The following SYN3 variants were observed in gnomAD, a reference collection of about 807,000 sequenced individuals.
SYN3 encodes the protein synapsin III, also known as synapsin-3.
Under a neutral mutation model 65.8 loss-of-function variants are expected in SYN3, and 35 were observed. That is an observed-to-expected ratio of 0.53 (90% CI 0.41 to 0.70). The LOEUF (loss-of-function observed/expected upper bound fraction) is 0.70, where lower values mean the gene tolerates loss of function less well. Ranked by LOEUF, SYN3 falls within the 30% of genes least tolerant of loss-of-function variation. The pLI is 0.00. For synonymous variants in SYN3, 270 were observed against 292.9 expected (o/e 0.92, Z 0.80); for missense variants, 680 against 749.0 (o/e 0.91, Z 1.08).
intron 6 of SYN3, among the ~76,000 whole-genome samples, chr22:32,631,634 G>A (rs574229115): frequency 5.9e-5 from 9 of 152,294 alleles, no homozygotes; most frequent in Non-Finnish European, 1.2e-4. Context: ...GGTTGCAGTA[G>A]TATAATAATT....
intron 6 of SYN3, among the ~76,000 whole-genome samples, chr22:32,833,188 T>G (rs1360143201): frequency 6.6e-6 from 1 of 152,050 alleles, no homozygotes; most frequent in Non-Finnish European, 1.5e-5. Flanking sequence ...AAATTTGCAT[T>G]TATCCCCTAA....
intron 6 of SYN3, among the ~76,000 whole-genome samples, chr22:32,701,683 A>G (rs1254839564): frequency 1.3e-5 from 2 of 152,232 alleles, no homozygotes; most frequent in Non-Finnish European, 2.9e-5. Context: ...TATATACTAT[A>G]GAAGACAACT....
At chr22:32,525,461 A>C (rs1410352376) in intron 12 of SYN3, among the ~76,000 whole-genome samples, 2 of 152,150 alleles carry the variant, frequency 1.3e-5, no homozygotes, top group Non-Finnish European at 2.9e-5. Context: ...TAATCCCAGC[A>C]CTTTGGGAGG....
intron 6 of SYN3, among the ~76,000 whole-genome samples, chr22:32,657,608 G>A (rs991029978): frequency 3.3e-5 from 5 of 152,204 alleles, no homozygotes; most frequent in Non-Finnish European, 5.9e-5. Context: ...GAGCAGAGTG[G>A]GGGTGGCATC....
intron 6 of SYN3, among the ~76,000 whole-genome samples, chr22:32,661,874 A>C (rs1355848357): frequency 6.6e-6 from 1 of 152,248 alleles, no homozygotes; most frequent in Non-Finnish European, 1.5e-5. Flanking sequence ...GTCCACAGCC[A>C]AGTTGCATCT....
intron 4 of SYN3, among the ~76,000 whole-genome samples, chr22:32,873,713 C>T (rs959152581): frequency 6.6e-6 from 1 of 152,148 alleles, no homozygotes; most frequent in African/African-American, 2.4e-5. Flanking sequence ...GCCAGCTACA[C>T]TGAAGTAATA....
chr22:32,861,391 C>CAGA (rs55686145), intron 6 of SYN3: 41,852 of 152,028 alleles, frequency 0.28, 5,965 homozygotes, highest in African/African-American at 0.34. Flanking sequence ...GCAGTGTGAG[C>CAGA]AGAAGCTGAT....
At chr22:32,879,322 G>C (rs5754324) in intron 4 of SYN3, among the ~76,000 whole-genome samples, 1 of 152,296 alleles carries the variant, frequency 6.6e-6, no homozygotes, top group East Asian at 1.9e-4. Flanking sequence ...CACATTTATA[G>C]ATCCTGGAGA....
intron 6 of SYN3, among the ~76,000 whole-genome samples, chr22:32,685,499 C>A (rs2060577945): frequency 6.6e-6 from 1 of 152,142 alleles, no homozygotes; most frequent in African/African-American, 2.4e-5. Context: ...TATCTTGTGG[C>A]CATATTTTTA....
chr22:32,745,867 G>A (rs1428396422), intron 6 of SYN3, among the ~76,000 whole-genome samples: 1 of 152,154 alleles, frequency 6.6e-6, no homozygotes, highest in Non-Finnish European at 1.5e-5. Flanking sequence ...TCAAAAGGCA[G>A]GAAAGAGAAG....
intron 6 of SYN3, among the ~76,000 whole-genome samples, chr22:32,598,010 A>G (rs187984285): frequency 6.6e-6 from 1 of 152,240 alleles, no homozygotes; most frequent in East Asian, 1.9e-4. Flanking sequence ...CTTGATTTCT[A>G]GAAGAACATT....
At chr22:32,527,202 A>G (rs551967314) in intron 12 of SYN3, among the ~76,000 whole-genome samples, 189 of 152,282 alleles carry the variant, frequency 1.2e-3, no homozygotes, top group African/African-American at 4.5e-3. Context: ...TCACAAATCT[A>G]TCATCAGGCA....
chr22:32,750,628 T>C (rs1364190922), intron 6 of SYN3, among the ~76,000 whole-genome samples: 1 of 151,956 alleles, frequency 6.6e-6, no homozygotes, highest in East Asian at 1.9e-4. Flanking sequence ...GTCATCCTGC[T>C]CTGCTGAGAA....
At chr22:32,778,907 A>G (rs1399733028) in intron 6 of SYN3, among the ~76,000 whole-genome samples, 1 of 152,222 alleles carries the variant, frequency 6.6e-6, no homozygotes, top group African/African-American at 2.4e-5. Context: ...TGTATTGGGT[A>G]CTTCTCATTT....
In SYN3 at chr22:32,697,020, A is replaced by G. The variant is rs528065642; in HGVS notation, c.712-100284T>C. ...AAGAAAAATCTCTCTCTGTCCACAGAACCATAACTCACTGGTAAGGTAGCC... is the reference window on the plus strand; with the variant it reads ...AAGAAAAATCTCTCTCTGTCCACAGGACCATAACTCACTGGTAAGGTAGCC... On this transcript the variant is annotated intron_variant, in intron 6 of 13. Transcript: ENST00000358763. Among the ~76,000 whole-genome samples the G allele has an allele frequency of 7.2e-5, 11 of 152,326 alleles. No homozygotes were observed. The South Asian group carries it at 2.1e-3, about 29-fold the overall frequency.
chr22:32,826,333 G>A (rs1410399370), intron 6 of SYN3, among the ~76,000 whole-genome samples: 1 of 152,176 alleles, frequency 6.6e-6, no homozygotes, highest in Non-Finnish European at 1.5e-5. Context: ...GGAGGCTGAG[G>A]CAGGAGAATC....
At position 32,730,327 on chromosome 22, in the gene SYN3, C is replaced by T. The variant is rs9619303; in HGVS notation, c.712-133591G>A. ...GTGCTTTAATTGGTTCCCATCACTTCGACACTCGGCTTACTGAGCAGCCAC... is the reference window on the plus strand; with the variant it reads ...GTGCTTTAATTGGTTCCCATCACTTTGACACTCGGCTTACTGAGCAGCCAC... On this transcript the variant is annotated intron_variant, in intron 6 of 13. Transcript: ENST00000358763. Among the ~76,000 whole-genome samples the T allele has an allele frequency of 3.4e-3, 523 of 152,310 alleles. 4 individuals are homozygous for T. The highest frequency in any genetic ancestry group is 0.01 in the Middle Eastern group (3 of 294).
intron 6 of SYN3, among the ~76,000 whole-genome samples, chr22:32,791,288 T>C (rs2046318422): frequency 1.3e-5 from 2 of 152,174 alleles, no homozygotes; most frequent in Admixed American, 6.5e-5. Flanking sequence ...CTTCGCTTTA[T>C]AGGGATTCAA....
chr22:32,683,814 G>A (rs931041929), intron 6 of SYN3, among the ~76,000 whole-genome samples: 1 of 152,048 alleles, frequency 6.6e-6, no homozygotes, highest in African/African-American at 2.4e-5. Flanking sequence ...TGTGTTGGGG[G>A]GAATACAATT....
Sources: allele counts gnomAD v4.1 joint callset (sites outside exome capture counted in the v4.1 genomes callset), GRCh38; gene constraint gnomAD v4.1.1; transcripts MANE v1.5; gene names NCBI Gene and HGNC (gene_info 2026-07-23, HGNC 2026-07-21).